TMEM135: variants seen among roughly 807,000 people sequenced by gnomAD.
TMEM135 encodes transmembrane protein 135, also known as peroxisomal membrane protein 52.
In TMEM135, 30 loss-of-function variants were observed where a neutral mutation model predicts 60.3. The observed-to-expected ratio is 0.50, with a 90% confidence interval of 0.37 to 0.68. The LOEUF (loss-of-function observed/expected upper bound fraction) is 0.68, where lower values mean the gene tolerates loss of function less well. Among genes scored for constraint, TMEM135 ranks in the 30% least tolerant of loss-of-function variants. TMEM135 has a pLI of 0.00. For synonymous variants in TMEM135, 190 were observed against 186.7 expected, an observed-to-expected ratio of 1.02 and a Z score of -0.14; for missense variants, 468 against 548.8, an observed-to-expected ratio of 0.85 and a Z score of 1.47.
At chr11:87,044,080 C>CT (rs1218418731) in intron 1 of TMEM135, among the ~76,000 whole-genome samples, 1 of 152,090 alleles carries the variant, frequency 6.6e-6, no homozygotes, top group African/African-American at 2.4e-5. Context: ...TGTTTAGACT[C>CT]TTCAGTGGAT....
intron 4 of TMEM135, among the ~76,000 whole-genome samples, chr11:87,110,527 AT>A (rs1857716575): frequency 1.3e-5 from 2 of 152,116 alleles, no homozygotes; most frequent in African/African-American, 4.8e-5. Context: ...GCAAATCTAA[AT>A]TTTCTCATCT....
At chr11:87,122,291 A>G (rs1033455067) in intron 4 of TMEM135, among the ~76,000 whole-genome samples, 12 of 145,622 alleles carry the variant, frequency 8.2e-5, no homozygotes, top group Non-Finnish European at 1.8e-4. Context: ...CTTGACTGGC[A>G]GGTTTATGTT....
intron 6 of TMEM135, among the ~76,000 whole-genome samples, chr11:87,244,062 A>T (rs61905653): frequency 1.2e-5 from 1 of 85,514 alleles, no homozygotes; most frequent in African/African-American, 4.7e-5. Flanking sequence ...TAGCATGAAG[A>T]GTTGTTGAAT....
At position 87,152,899 on chromosome 11, in the gene TMEM135, G is replaced by T. The variant is rs546808768; in HGVS notation, c.397-4442G>T. Among the ~76,000 whole-genome samples, 15 of 152,236 alleles carry T rather than the reference G, an allele frequency of 9.9e-5. No homozygotes were observed. The South Asian group carries it at 3.1e-3, about 32-fold the overall frequency. ...CTTTATACACTGATGACACCAAAAT[G>T]ATATTGATAGTTCTTACCTATACTC... On this transcript the variant is annotated intron_variant, in intron 4 of 14. Coordinates refer to ENST00000305494, the MANE Select transcript of TMEM135 (RefSeq NM_022918.4).
chr11:87,058,380 A>G (rs942713232), intron 1 of TMEM135, among the ~76,000 whole-genome samples: 2 of 152,012 alleles, frequency 1.3e-5, no homozygotes, highest in Non-Finnish European at 2.9e-5. Context: ...CTCAGGCTGG[A>G]GTGCAGTGGC....
chr11:87,126,327 A>T (rs746911539), intron 4 of TMEM135, among the ~76,000 whole-genome samples: 6 of 152,168 alleles, frequency 3.9e-5, no homozygotes, highest in Non-Finnish European at 8.8e-5. Flanking sequence ...GCATAAATGT[A>T]TATTTATATG....
At chr11:87,298,786 CAA>C (rs59740138) in intron 7 of TMEM135, among the ~76,000 whole-genome samples, 4 of 57,710 alleles carry the variant, frequency 6.9e-5, no homozygotes, top group Non-Finnish European at 6.0e-5. Context: ...GACTCTGTCT[CAA>C]AAAAAAAAAA....
intron 1 of TMEM135, among the ~76,000 whole-genome samples, chr11:87,058,875 C>T (rs537051002): frequency 1.3e-5 from 2 of 152,126 alleles, no homozygotes; most frequent in Admixed American, 6.5e-5. Context: ...CTGCCTCACC[C>T]TCCCAAAGTG....
At chr11:87,249,164 G>A (rs1443905666) in intron 6 of TMEM135, among the ~76,000 whole-genome samples, 1 of 152,078 alleles carries the variant, frequency 6.6e-6, no homozygotes, top group Non-Finnish European at 1.5e-5. Context: ...TCCCTGTTGT[G>A]TTCCAGATCT....
At chr11:87,247,655 G>T (rs960006242) in intron 6 of TMEM135, among the ~76,000 whole-genome samples, 1 of 152,180 alleles carries the variant, frequency 6.6e-6, no homozygotes, top group Non-Finnish European at 1.5e-5. Flanking sequence ...AGGACCCTCC[G>T]AGCCAGGTGT....
At chr11:87,310,055 A>T (rs938010383) in intron 10 of TMEM135, among the ~76,000 whole-genome samples, 1 of 152,116 alleles carries the variant, frequency 6.6e-6, no homozygotes, top group Non-Finnish European at 1.5e-5. Flanking sequence ...ATTAATTTAA[A>T]TGTATTTCAG....
At chr11:87,097,602 G>A (rs1018455555) in intron 4 of TMEM135, among the ~76,000 whole-genome samples, 77 of 152,302 alleles carry the variant, frequency 5.1e-4, no homozygotes, top group African/African-American at 1.8e-3. Context: ...CAAGAAGCCT[G>A]TGGTTATGGG....
At chr11:87,047,452 TGTGCGCGCACC>T (rs1228023631) in intron 1 of TMEM135, among the ~76,000 whole-genome samples, 1 of 151,080 alleles carries the variant, frequency 6.6e-6, no homozygotes, top group Non-Finnish European at 1.5e-5. Context: ...CAGGCCAGTG[TGTGCGCGCACC>T]GTGCGCGAGC....
intron 1 of TMEM135, among the ~76,000 whole-genome samples, chr11:87,055,033 A>T (rs1178923222): frequency 6.6e-6 from 1 of 152,168 alleles, no homozygotes; most frequent in Admixed American, 6.5e-5. Flanking sequence ...GGAGGTTAAC[A>T]ATGAAGGGGG....
At chr11:87,069,596 A>C (rs1379640023) in intron 2 of TMEM135, among the ~76,000 whole-genome samples, 1 of 152,188 alleles carries the variant, frequency 6.6e-6, no homozygotes, top group Non-Finnish European at 1.5e-5. Context: ...TGCTTTGGAC[A>C]TGTTGCTTTT....
intron 4 of TMEM135, 152 bp downstream of exon 4, chr11:87,091,547 T>A: frequency 1.3e-6 from 1 of 753,088 alleles, no homozygotes; most frequent in Non-Finnish European, 2.2e-6. Flanking sequence ...CAAAAAAGCC[T>A]TGATACCATC....
At chr11:87,134,768 G>A (rs1166381466) in intron 4 of TMEM135, among the ~76,000 whole-genome samples, 1 of 152,166 alleles carries the variant, frequency 6.6e-6, no homozygotes, top group African/African-American at 2.4e-5. Context: ...CTACAGGCGT[G>A]TGCAACTGCA....
chr11:87,155,187 TG>T (rs1938659946), intron 4 of TMEM135, among the ~76,000 whole-genome samples: 1 of 152,236 alleles, frequency 6.6e-6, no homozygotes, highest in Non-Finnish European at 1.5e-5. Context: ...TTAGTAGAGA[TG>T]GGGTTTCACC....
intron 1 of TMEM135, among the ~76,000 whole-genome samples, chr11:87,044,776 G>A (rs1035801833): frequency 1.3e-5 from 2 of 151,910 alleles, no homozygotes; most frequent in South Asian, 4.2e-4. Flanking sequence ...TCAGCCTGCC[G>A]AGTAGCTGGG....
Sources: gnomAD v4.1 joint callset for allele counts (sites outside exome capture counted in the v4.1 genomes callset) on GRCh38, gnomAD v4.1.1 for gene constraint, MANE v1.5 for transcripts, NCBI Gene and HGNC (gene_info 2026-07-23, HGNC 2026-07-21) for gene names.